SUPT3H: variants seen among roughly 807,000 people sequenced by gnomAD.
SUPT3H encodes the protein transcription initiation protein SPT3 homolog.
A neutral mutation model predicts 44.3 loss-of-function variants in SUPT3H; 44 were observed. That is an observed-to-expected ratio of 0.99 (90% CI 0.78 to 1.28). The LOEUF (loss-of-function observed/expected upper bound fraction) is 1.28. Ranked by LOEUF, SUPT3H falls within the 50% of genes most tolerant of loss-of-function variation. SUPT3H has a pLI of 0.00. For synonymous variants in SUPT3H, 124 were observed against 125.6 expected, an observed-to-expected ratio of 0.99 and a Z score of 0.09; for missense variants, 380 against 387.1, an observed-to-expected ratio of 0.98 and a Z score of 0.15.
At chr6:45,093,423 A>G (rs966578081) in intron 3 of SUPT3H, among the ~76,000 whole-genome samples, 1 of 152,172 alleles carries the variant, frequency 6.6e-6, no homozygotes, top group Non-Finnish European at 1.5e-5. Context: ...TTCTGCAGAA[A>G]CTTAACACTA....
chr6:44,980,092 A>G (rs1250109647), intron 6 of SUPT3H, among the ~76,000 whole-genome samples: 1 of 152,116 alleles, frequency 6.6e-6, no homozygotes, highest in Non-Finnish European at 1.5e-5. Flanking sequence ...TTCAGGCTTT[A>G]CACAAACACT....
chr6:45,306,722 G>T (rs1057512405), intron 2 of SUPT3H, among the ~76,000 whole-genome samples: 1 of 152,174 alleles, frequency 6.6e-6, no homozygotes, highest in Non-Finnish European at 1.5e-5. Flanking sequence ...CACAGAAGAC[G>T]GGTGATTTCT....
chr6:45,134,605 G>C (rs908367364), intron 2 of SUPT3H, among the ~76,000 whole-genome samples: 2 of 151,950 alleles, frequency 1.3e-5, no homozygotes, highest in African/African-American at 2.4e-5. Context: ...AAAACAACAA[G>C]TACTGCAAAA....
At chr6:45,354,065 G>A (rs1159305366) in intron 2 of SUPT3H, among the ~76,000 whole-genome samples, 1 of 150,168 alleles carries the variant, frequency 6.7e-6, no homozygotes, top group Non-Finnish European at 1.5e-5. Flanking sequence ...ATGGAGGGAG[G>A]TGCTCTCATA....
intron 3 of SUPT3H, among the ~76,000 whole-genome samples, chr6:45,030,089 T>C (rs1212407598): frequency 1.3e-5 from 2 of 151,254 alleles, no homozygotes; most frequent in Non-Finnish European, 2.9e-5. Context: ...CTATTTAGTA[T>C]TTAACTATTG....
intron 3 of SUPT3H, among the ~76,000 whole-genome samples, chr6:45,074,795 AC>A (rs1294163127): frequency 6.6e-6 from 1 of 152,086 alleles, no homozygotes; most frequent in Non-Finnish European, 1.5e-5. Context: ...TACAATCTGC[AC>A]TTTTTCTGTT....
chr6:44,820,825 G>C (rs1054629170), intron 11 of SUPT3H, among the ~76,000 whole-genome samples: 4 of 152,160 alleles, frequency 2.6e-5, no homozygotes, highest in African/African-American at 9.6e-5. Context: ...ATTTAAAAGG[G>C]TGGTCAGAGA....
chr6:45,288,213 CCTCAAACATAA>C (rs1427236449), intron 2 of SUPT3H, among the ~76,000 whole-genome samples: 2 of 152,110 alleles, frequency 1.3e-5, no homozygotes, highest in East Asian at 3.9e-4. Flanking sequence ...TCCACCTCAA[CCTCAAACATAA>C]CTCAATACTT....
intron 2 of SUPT3H, among the ~76,000 whole-genome samples, chr6:45,296,400 T>C (rs1781231179): frequency 6.6e-6 from 1 of 151,770 alleles, no homozygotes; most frequent in Admixed American, 6.6e-5. Context: ...ACAATGGACT[T>C]TGGGGACTCA....
chr6:45,227,828 C>T (rs1410882292), intron 2 of SUPT3H, among the ~76,000 whole-genome samples: 1 of 152,160 alleles, frequency 6.6e-6, no homozygotes, highest in Non-Finnish European at 1.5e-5. Context: ...ACTAAAAACA[C>T]ACTAAGCCCA....
chr6:44,908,263 T>G (rs546762165), intron 10 of SUPT3H, among the ~76,000 whole-genome samples: 3 of 151,556 alleles, frequency 2.0e-5, no homozygotes, highest in Non-Finnish European at 4.4e-5. Context: ...ATCATTCTCC[T>G]GCCTCAGCCT....
chr6:44,816,819 C>A (rs1004337301), intron 11 of SUPT3H, among the ~76,000 whole-genome samples: 6 of 151,974 alleles, frequency 3.9e-5, no homozygotes, highest in Admixed American at 2.0e-4. Flanking sequence ...TTTGGGAGGC[C>A]AAGGTGGGAA....
In SUPT3H at chr6:44,983,348, A is replaced by G. The variant is rs1779362037; in HGVS notation, c.504+20305T>C. 2.0e-5 allele frequency among the ~76,000 whole-genome samples: 3 copies of G among 152,200 alleles called. No individual in the cohort carries two copies. The South Asian group carries it at 6.2e-4, about 32-fold the overall frequency. On this transcript the variant is annotated intron_variant, in intron 6 of 10. Coordinates refer to ENST00000371459, the MANE Select transcript of SUPT3H (RefSeq NM_003599.4). ...ATAAAGTGAGCCTTCAAAAATTTAC[A>G]TTAAATTTATTGGACACATTTTAAG...
intron 10 of SUPT3H, among the ~76,000 whole-genome samples, chr6:44,830,824 C>T (rs912960799): frequency 1.3e-5 from 2 of 151,954 alleles, no homozygotes; most frequent in African/African-American, 4.8e-5. Context: ...AGGCTAATAA[C>T]TCTGAAGCAG....
chr6:45,085,560 T>C (rs1487732697), intron 3 of SUPT3H, among the ~76,000 whole-genome samples: 1 of 152,162 alleles, frequency 6.6e-6, no homozygotes, highest in Non-Finnish European at 1.5e-5. Flanking sequence ...AACTTGATGA[T>C]TATGGAAAAA....
rs565229254 is a variant in SUPT3H at position 45,061,980 on chromosome 6, A to G, written c.187-41348T>C. On this transcript the variant is annotated intron_variant, in intron 3 of 10. Coordinates refer to ENST00000371459, the MANE Select transcript of SUPT3H (RefSeq NM_003599.4). ...TGATGTGTTATATGAACACTTACACACTAAAACACACACTATTAAAATTAG... is the reference window on the plus strand; with the variant it reads ...TGATGTGTTATATGAACACTTACACGCTAAAACACACACTATTAAAATTAG... Among the ~76,000 whole-genome samples the G allele has an allele frequency of 2.0e-5, 3 of 150,294 alleles. No individual in the cohort carries two copies. In the Admixed American group the frequency reaches 2.0e-4, roughly 10 times the overall value.
intron 10 of SUPT3H, among the ~76,000 whole-genome samples, chr6:44,891,395 T>C (rs1763291783): frequency 6.6e-6 from 1 of 152,124 alleles, no homozygotes; most frequent in Non-Finnish European, 1.5e-5. Flanking sequence ...CAAATGTGGT[T>C]TATGATGGAA....
chr6:45,016,875 G>C (rs903619894), intron 4 of SUPT3H, among the ~76,000 whole-genome samples: 8 of 151,700 alleles, frequency 5.3e-5, no homozygotes, highest in African/African-American at 1.9e-4. Context: ...GGGATGGCTG[G>C]GTCAAATGGT....
intron 2 of SUPT3H, among the ~76,000 whole-genome samples, chr6:45,347,502 G>C (rs1179485111): frequency 1.3e-5 from 2 of 152,078 alleles, no homozygotes; most frequent in African/African-American, 2.4e-5. Context: ...TGTTAAGTTT[G>C]AGAAAAACAA....
Sources: gnomAD v4.1 joint callset for allele counts (sites outside exome capture counted in the v4.1 genomes callset) on GRCh38, gnomAD v4.1.1 for gene constraint, MANE v1.5 for transcripts, NCBI Gene and HGNC (gene_info 2026-07-23, HGNC 2026-07-21) for gene names.